Variants in CFAP251 observed in about 807,000 individuals in gnomAD.
CFAP251 encodes cilia and flagella associated protein 251.
In CFAP251, 93 loss-of-function variants were observed where a neutral mutation model predicts 126.7. That is an observed-to-expected ratio of 0.73 (90% CI 0.62 to 0.87). The LOEUF (loss-of-function observed/expected upper bound fraction) is 0.87. Among genes scored for constraint, CFAP251 ranks in the 40% least tolerant of loss-of-function variants. The probability of loss-of-function intolerance (pLI) is 0.00; values close to 1 mark genes in which losing one functional copy is unlikely to be tolerated. For synonymous variants in CFAP251, 503 were observed against 506.9 expected, an observed-to-expected ratio of 0.99 and a Z score of 0.10; for missense variants, 1,287 against 1,389.2, an observed-to-expected ratio of 0.93 and a Z score of 1.17.
At chr12:121,997,137 G>A (rs1883036073) in intron 19 of CFAP251, 1 of 152,214 alleles carries the variant, frequency 6.6e-6, no homozygotes, top group Non-Finnish European at 1.5e-5. Context: ...ACCACATAGA[G>A]CAGTGAAGTG....
intron 19 of CFAP251, among the ~76,000 whole-genome samples, chr12:121,993,845 G>C: frequency 8.7e-6 from 1 of 115,024 alleles, no homozygotes; most frequent in Middle Eastern, 6.8e-3. Context: ...GGAGGGAGGT[G>C]GGGGGGGTCA....
At chr12:121,962,634 G>T (rs888562745) in intron 15 of CFAP251, among the ~76,000 whole-genome samples, 1 of 151,888 alleles carries the variant, frequency 6.6e-6, no homozygotes, top group African/African-American at 2.4e-5. Flanking sequence ...GCGGGGGCAG[G>T]TGATGCAATG....
rs1414832664 is a variant in CFAP251 at position 121,928,704 on chromosome 12, A to ATATAT, written c.748-3041_748-3040insATATT. On this transcript the variant is annotated intron_variant, in intron 3 of 21. Coordinates refer to ENST00000288912, the MANE Select transcript of CFAP251 (RefSeq NM_144668.6). ...TATATATATACGTATATATATATAT[A>ATATAT]TTTTTTTTTTGAGACAGGGTCTTGC... 1.7e-3 allele frequency among the ~76,000 whole-genome samples: 100 copies of ATATAT among 60,348 alleles called. 8 individuals are homozygous for ATATAT. The highest frequency in any genetic ancestry group is 3.9e-3 in the African/African-American group (96 of 24,732). The allele number at this position is 60,348 out of a possible 152,430, so 39.6% of individuals were successfully genotyped here.
intron 7 of CFAP251, among the ~76,000 whole-genome samples, chr12:121,947,166 A>G (rs1169611082): frequency 1.3e-5 from 2 of 151,934 alleles, no homozygotes; most frequent in African/African-American, 4.8e-5. Flanking sequence ...TTCAGTCTGA[A>G]TGTTTTCTAC....
At chr12:121,977,287 G>A (rs1882484108) in intron 19 of CFAP251, among the ~76,000 whole-genome samples, 1 of 152,188 alleles carries the variant, frequency 6.6e-6, no homozygotes, top group Admixed American at 6.5e-5. Flanking sequence ...ATGACCGTAT[G>A]GAACCACCAT....
chr12:121,926,042 T>C (rs1880398492), intron 3 of CFAP251, among the ~76,000 whole-genome samples: 2 of 148,684 alleles, frequency 1.3e-5, no homozygotes, highest in East Asian at 3.9e-4. Flanking sequence ...TTTTTTTTTT[T>C]TTTTAGTAGA....
chr12:121,945,319 GTTGTT>G (rs1238972040), intron 7 of CFAP251, among the ~76,000 whole-genome samples: 7 of 147,040 alleles, frequency 4.8e-5, no homozygotes, highest in Non-Finnish European at 9.2e-5. Flanking sequence ...TTTTGTTGTT[GTTGTT>G]TTGTTTTCTT....
intron 3 of CFAP251, among the ~76,000 whole-genome samples, chr12:121,929,357 C>G (rs75394983): frequency 0.079 from 11,926 of 151,010 alleles, 926 homozygotes; most frequent in African/African-American, 0.2. Flanking sequence ...AAAAATTGAG[C>G]TGAATGTACT....
intron 19 of CFAP251, among the ~76,000 whole-genome samples, chr12:121,983,976 T>C (rs1238190080): frequency 6.6e-6 from 1 of 152,228 alleles, no homozygotes; most frequent in African/African-American, 2.4e-5. Context: ...TACTGAGATG[T>C]AGCCGCTCCC....
At chr12:121,980,455 C>T (rs1007628670) in intron 19 of CFAP251, among the ~76,000 whole-genome samples, 13 of 147,818 alleles carry the variant, frequency 8.8e-5, no homozygotes, top group African/African-American at 3.3e-4. Context: ...GTCACCTGGT[C>T]CTCCAGCCTC....
rs1182809679 is a variant in CFAP251, at chr12:121,962,111, G to A, written c.2441G>A (p.Cys814Tyr). 1.2e-6 allele frequency: 2 copies of A among 1,613,938 alleles called. No individual in the cohort carries two copies. The highest frequency in any genetic ancestry group is 4.5e-5 in the East Asian group (2 of 44,888). ...PLTRELFLLI[C>Y]NSGYKVKLFN... Reference sequence around the variant, plus strand: ...ACCAGGGAACTCTTCCTGCTTATTTGCAACAGTGGCTACAAAGTGAAGCTT... The same window carrying A: ...ACCAGGGAACTCTTCCTGCTTATTTACAACAGTGGCTACAAAGTGAAGCTT... The change falls in exon 15 of 22, where the codon TGC (cysteine) becomes TAC (tyrosine). Residue 814 changes from cysteine (C) to tyrosine (Y), a missense_variant. Transcript: ENST00000288912.
chr12:121,933,323 C>T (rs1180046052), intron 4 of CFAP251: 1 of 152,300 alleles, frequency 6.6e-6, no homozygotes, highest in Non-Finnish European at 1.5e-5. Context: ...GGAGAACATT[C>T]CAAACAGAGG....
At chr12:121,983,120 G>T (rs1882664097) in intron 19 of CFAP251, among the ~76,000 whole-genome samples, 1 of 152,092 alleles carries the variant, frequency 6.6e-6, no homozygotes, top group Admixed American at 6.6e-5. Context: ...CCAGATACTT[G>T]GAGGGCTGAG....
intron 3 of CFAP251, among the ~76,000 whole-genome samples, chr12:121,928,705 T>TACGTATATATATATA: frequency 2.1e-5 from 1 of 48,298 alleles, no homozygotes; most frequent in African/African-American, 5.3e-5. Context: ...TATATATATA[T>TACGTATATATATATA]TTTTTTTTTG....
chr12:121,925,922 G>A (rs947976691), intron 3 of CFAP251, among the ~76,000 whole-genome samples: 2 of 151,954 alleles, frequency 1.3e-5, no homozygotes, highest in Non-Finnish European at 2.9e-5. Flanking sequence ...TTGGATCACT[G>A]CAACCTCCAC....
rs1323993784 is a variant in CFAP251, at chr12:121,976,065, G to T, written c.3006+380G>T. 1.4e-4 allele frequency among the ~76,000 whole-genome samples: 21 copies of T among 150,672 alleles called. No homozygotes were observed. In the Admixed American group the frequency reaches 1.4e-3, roughly 10 times the overall value. On this transcript the variant is annotated intron_variant, in intron 19 of 21. Transcript: ENST00000288912. ...CCTCTGTCACGCAGGTTGGACTGCAGTGGCACAATTTTGGCTCACTGCAAC... is the reference window on the plus strand; with the variant it reads ...CCTCTGTCACGCAGGTTGGACTGCATTGGCACAATTTTGGCTCACTGCAAC...
At chr12:121,983,740 T>TA (rs74826523) in intron 19 of CFAP251, among the ~76,000 whole-genome samples, 10,743 of 141,150 alleles carry the variant, frequency 0.076, 1,214 homozygotes, top group African/African-American at 0.25. Context: ...TTATCTACTT[T>TA]AAAAAAAAAA....
chr12:121,975,517 G>A (rs373887213), intron 18 of CFAP251, 25 bp from the exon 19 acceptor site: 1 of 1,605,000 alleles, frequency 6.2e-7, no homozygotes. Context: ...AATGTGTGTT[G>A]TGTTTCCGTT....
chr12:121,922,579 A>G (rs1880230035), intron 2 of CFAP251, among the ~76,000 whole-genome samples: 3 of 152,140 alleles, frequency 2.0e-5, no homozygotes, highest in Middle Eastern at 3.2e-3. Flanking sequence ...TGGAGTCGGT[A>G]TGATAATAGG....
Sources: gnomAD v4.1 joint callset for allele counts (sites outside exome capture counted in the v4.1 genomes callset) on GRCh38, gnomAD v4.1.1 for gene constraint, MANE v1.5 for transcripts, NCBI Gene and HGNC (gene_info 2026-07-23, HGNC 2026-07-21) for gene names.